The following ARHGEF3 variants were observed in gnomAD, a reference collection of about 807,000 sequenced individuals.
The protein encoded by ARHGEF3 is 59.8 kDA protein.
ARHGEF3 carries 28 observed loss-of-function variants against 63.2 expected under a neutral mutation model. The ratio of observed to expected loss-of-function variants is 0.44; its 90% CI spans 0.33 to 0.61. The LOEUF (loss-of-function observed/expected upper bound fraction) is 0.61, where lower values mean the gene tolerates loss of function less well. Among genes scored for constraint, ARHGEF3 ranks in the 20% least tolerant of loss-of-function variants. The pLI is 0.03. For synonymous variants in ARHGEF3, 266 were observed against 254.2 expected, an observed-to-expected ratio of 1.05 and a Z score of -0.44; for missense variants, 533 against 659.3, an observed-to-expected ratio of 0.81 and a Z score of 2.10.
chr3:57,010,265 T>G (rs369646029), intron 2 of ARHGEF3, among the ~76,000 whole-genome samples: 2 of 151,750 alleles, frequency 1.3e-5, no homozygotes, highest in Non-Finnish European at 2.9e-5. Flanking sequence ...CCATCCTGGC[T>G]AACATGGTGA....
At position 56,773,788 on chromosome 3, in the gene ARHGEF3, AGGG is replaced by A. The variant is rs1443777080; in HGVS notation, c.122_124del (p.Pro41del). On this transcript the variant is annotated inframe_deletion, in exon 2 of 10. Coordinates refer to ENST00000296315, the MANE Select transcript of ARHGEF3 (RefSeq NM_019555.3). ...GTTTGCTAGCGACGTGACTCGGGAA[AGGG>A]GTTTGACCCGTTTATTACTAGGCTC... 1 of 1,604,468 alleles carries A rather than the reference AGGG, an allele frequency of 6.2e-7. No homozygotes were observed. Among genetic ancestry groups the A allele is most frequent in the Non-Finnish European group, 8.5e-7 (1 of 1,176,980 alleles).
At chr3:56,921,776 T>C (rs1201212488) in intron 3 of ARHGEF3, among the ~76,000 whole-genome samples, 2 of 152,176 alleles carry the variant, frequency 1.3e-5, no homozygotes, top group East Asian at 3.8e-4. Flanking sequence ...CTCAACAAGA[T>C]TATAAAATGA....
chr3:56,917,565 A>G (rs2042019222), intron 3 of ARHGEF3, among the ~76,000 whole-genome samples: 1 of 152,192 alleles, frequency 6.6e-6, no homozygotes, highest in Non-Finnish European at 1.5e-5. Context: ...GGCTCTTTCC[A>G]TTCACGTTGC....
chr3:56,906,312 G>A (rs944006842), intron 3 of ARHGEF3, among the ~76,000 whole-genome samples: 2 of 152,194 alleles, frequency 1.3e-5, no homozygotes, highest in African/African-American at 4.8e-5. Flanking sequence ...ATGAGACGGA[G>A]CAGATAGAAA....
At chr3:56,843,855 A>G (rs1421347368) in intron 4 of ARHGEF3, among the ~76,000 whole-genome samples, 3 of 152,188 alleles carry the variant, frequency 2.0e-5, no homozygotes, top group Non-Finnish European at 2.9e-5. Context: ...AAAGTAATAC[A>G]TGAATGGCAA....
chr3:56,949,834 G>A (rs1372075158), intron 3 of ARHGEF3, among the ~76,000 whole-genome samples: 1 of 151,986 alleles, frequency 6.6e-6, no homozygotes, highest in Non-Finnish European at 1.5e-5. Context: ...TCAATCCTAA[G>A]CCAAAAGAAC....
At chr3:57,004,292 A>G (rs1702384610) in intron 2 of ARHGEF3, among the ~76,000 whole-genome samples, 1 of 152,330 alleles carries the variant, frequency 6.6e-6, no homozygotes, top group Admixed American at 6.5e-5. Context: ...CAGTGGATTC[A>G]TTTTCTAATA....
intron 1 of ARHGEF3, among the ~76,000 whole-genome samples, chr3:56,800,618 T>A (rs1460893622): frequency 6.6e-6 from 1 of 152,214 alleles, no homozygotes; most frequent in Non-Finnish European, 1.5e-5. Flanking sequence ...GTGAGCCAAG[T>A]GCATACAGCT....
At chr3:56,823,925 G>A (rs2038612465) in intron 4 of ARHGEF3, among the ~76,000 whole-genome samples, 1 of 149,906 alleles carries the variant, frequency 6.7e-6, no homozygotes, top group Non-Finnish European at 1.5e-5. Context: ...ATATGTTAGA[G>A]GAGACTTTCA....
At chr3:56,983,809 G>A (rs1014823141) in intron 2 of ARHGEF3, among the ~76,000 whole-genome samples, 8 of 152,076 alleles carry the variant, frequency 5.3e-5, no homozygotes, top group East Asian at 1.9e-4. Flanking sequence ...GGTGGTGCAC[G>A]CCTGTAGTCC....
At chr3:56,823,861 T>C (rs898497538) in intron 4 of ARHGEF3, among the ~76,000 whole-genome samples, 1 of 152,056 alleles carries the variant, frequency 6.6e-6, no homozygotes, top group Non-Finnish European at 1.5e-5. Flanking sequence ...CTATGTGGTA[T>C]TTGTCAGTAC....
intron 1 of ARHGEF3, among the ~76,000 whole-genome samples, chr3:57,038,216 C>G (rs116428719): frequency 1.3e-5 from 2 of 152,100 alleles, no homozygotes; most frequent in African/African-American, 4.8e-5. Context: ...CAGGAAAGCT[C>G]GGTGGTGGCT....
rs574579959 is a variant in ARHGEF3 at position 56,801,901 on chromosome 3, C to T, written c.-103G>A. 2.0e-6 allele frequency: 3 copies of T among 1,525,698 alleles called. No homozygotes were observed. The highest frequency in any genetic ancestry group is 1.2e-5 in the South Asian group (1 of 83,678). The allele number at this position is 1,525,698 out of a possible 1,614,324, so 94.5% of individuals were successfully genotyped here. A position where few individuals can be genotyped will look rare whatever the true frequency, so the allele number is the denominator to read the frequency against. ...CCAGCTCCACGATGCCGGGCGGCGG[C>T]GGCGACACGGAGACCGACAGCCGGC... On this transcript the variant is annotated 5_prime_UTR_variant, in exon 1 of 10. Coordinates refer to ENST00000296315, the MANE Select transcript of ARHGEF3 (RefSeq NM_019555.3).
chr3:57,042,729 C>T (rs918284657), intron 1 of ARHGEF3, among the ~76,000 whole-genome samples: 1 of 121,600 alleles, frequency 8.2e-6, no homozygotes, highest in African/African-American at 3.1e-5. Flanking sequence ...CGGAGTCTCG[C>T]TCTGTCGCCC....
In ARHGEF3 at chr3:57,067,583, C is replaced by G. The variant is rs1360382360; in HGVS notation, c.-28+11643G>C. On this transcript the variant is annotated intron_variant, in intron 1 of 12. Coordinates refer to the ARHGEF3 transcript ENST00000338458. The stretch of plus-strand genomic sequence containing the variant: ...GGTGCAGTGGCTCACACCTGTAATC[C>G]CAGCACACTGGGAGGCTGAGGCCAG... Among the ~76,000 whole-genome samples, 4 of 150,880 alleles carry G rather than the reference C, an allele frequency of 2.7e-5. No homozygotes were observed. The East Asian group carries it at 5.8e-4, about 22-fold the overall frequency.
intron 3 of ARHGEF3, among the ~76,000 whole-genome samples, chr3:56,904,026 T>C (rs780696823): frequency 2.3e-4 from 34 of 150,818 alleles, no homozygotes; most frequent in Non-Finnish European, 3.1e-4. Context: ...CATGCCTAAA[T>C]ATATATATAT....
chr3:56,937,653 C>A (rs1162512891), intron 3 of ARHGEF3, among the ~76,000 whole-genome samples: 2 of 152,178 alleles, frequency 1.3e-5, no homozygotes, highest in African/African-American at 4.8e-5. Context: ...CCTGCTAGAA[C>A]AAGTATTGTA....
chr3:56,729,733 A>G, intron 9 of ARHGEF3, 111 bp from the exon 10 acceptor site: 1 of 903,992 alleles, frequency 1.1e-6, no homozygotes, highest in Non-Finnish European at 1.7e-6. Context: ...GGTATTGCTG[A>G]TAACAAAACG....
intron 1 of ARHGEF3, among the ~76,000 whole-genome samples, chr3:57,044,551 C>A (rs575771866): frequency 2.0e-5 from 3 of 152,342 alleles, no homozygotes; most frequent in South Asian, 4.1e-4. Context: ...TCCACTCCCA[C>A]CAGGCAGCCT....
Sources: gnomAD v4.1 joint callset for allele counts (sites outside exome capture counted in the v4.1 genomes callset) on GRCh38, gnomAD v4.1.1 for gene constraint, MANE v1.5 for transcripts, NCBI Gene and HGNC (gene_info 2026-07-23, HGNC 2026-07-21) for gene names.